Variants in WDFY4 observed in about 807,000 individuals in gnomAD.
The protein encoded by WDFY4 is WDFY family member 4, also known as WD repeat- and FYVE domain-containing protein 4.
WDFY4 carries 169 observed loss-of-function variants against 351.9 expected under a neutral mutation model. That is an observed-to-expected ratio of 0.48 (90% CI 0.42 to 0.55). WDFY4 has a LOEUF of 0.55. Among genes scored for constraint, WDFY4 ranks in the 20% least tolerant of loss-of-function variants. The pLI is 0.00. For missense variants in WDFY4, 3,803 were observed against 3,935.6 expected, an observed-to-expected ratio of 0.97 and a Z score of 0.90; for synonymous variants, 1,622 against 1,574.6, an observed-to-expected ratio of 1.03 and a Z score of -0.71.
chr10:48,877,874 G>T (rs1258975266), intron 43 of WDFY4: 1 of 152,342 alleles, frequency 6.6e-6, no homozygotes, highest in African/African-American at 2.4e-5. Flanking sequence ...CCCAGAGAAG[G>T]ACCCCTCTTC....
chr10:48,926,946 T>G (rs948689371), intron 47 of WDFY4, among the ~76,000 whole-genome samples: 2 of 152,164 alleles, frequency 1.3e-5, no homozygotes, highest in Non-Finnish European at 2.9e-5. Flanking sequence ...ACATGGAGTG[T>G]GAGTCAAGAG....
At chr10:48,762,087 T>TTTGCTTTG (rs1415963793) in intron 13 of WDFY4, among the ~76,000 whole-genome samples, 1 of 152,206 alleles carries the variant, frequency 6.6e-6, no homozygotes, top group Non-Finnish European at 1.5e-5. Context: ...GGAGTCCAGC[T>TTTGCTTTG]TTGCTTTGTC....
chr10:48,981,327 G>C, intron 60 of WDFY4, 40 bp from the exon 61 acceptor site: 2 of 1,538,834 alleles, frequency 1.3e-6, no homozygotes, highest in Non-Finnish European at 1.8e-6. Context: ...GTGCGAAGCC[G>C]ATCTGGCGTT....
chr10:48,707,650 GAA>G (rs2132190677), intron 1 of WDFY4, among the ~76,000 whole-genome samples: 1 of 152,324 alleles, frequency 6.6e-6, no homozygotes, highest in South Asian at 2.1e-4. Context: ...AATGCTGGGT[GAA>G]AGAGTAAGAG....
chr10:48,815,704 C>T (rs1240353906), intron 31 of WDFY4, among the ~76,000 whole-genome samples: 1 of 151,942 alleles, frequency 6.6e-6, no homozygotes, highest in African/African-American at 2.4e-5. Flanking sequence ...TATTAGATAC[C>T]CTTTTAGCAC....
At chr10:48,946,270 A>G in intron 50 of WDFY4, 113 bp downstream of exon 50, 1 of 833,294 alleles carries the variant, frequency 1.2e-6, no homozygotes, top group Non-Finnish European at 1.9e-6. Flanking sequence ...GCATTTGAAT[A>G]GAGGACTCTA....
intron 29 of WDFY4, among the ~76,000 whole-genome samples, 188 bp from the exon 30 acceptor site, chr10:48,811,351 A>G (rs777831200): frequency 6.6e-6 from 1 of 152,332 alleles, no homozygotes; most frequent in Non-Finnish European, 1.5e-5. Flanking sequence ...ATGAATGAGC[A>G]TGTCAGGAAC....
Position 48,820,318 on chromosome 10 carries a change from C to T in WDFY4, c.5590C>T (p.Pro1864Ser), listed in dbSNP as rs1434904547. 6.4e-6 allele frequency: 10 copies of T among 1,551,400 alleles called. No homozygotes were observed. In the South Asian group the frequency reaches 1.2e-4, roughly 18 times the overall value. The change falls in exon 33 of 62, where the codon CCC (proline) becomes TCC (serine). Residue 1864 changes from proline (P) to serine (S), a missense_variant. Around this residue, in one of 3 missense-constraint regions of WDFY4, gnomAD observed 3,054 missense variants for 3,148.6 expected, o/e 0.97. Coordinates refer to ENST00000325239, the MANE Select transcript of WDFY4 (RefSeq NM_001394531.1). ...CAGCACAGTGGAGGGTCTCCAGGCT[C>T]CCACCAAGGCACATCCCGCCCGGAG... ...GDSTVEGLQA[P>S]TKAHPARRKL...
chr10:48,948,847 C>T (rs1841182976), intron 51 of WDFY4, among the ~76,000 whole-genome samples: 1 of 152,218 alleles, frequency 6.6e-6, no homozygotes, highest in African/African-American at 2.4e-5. Context: ...GGCTGGTCTC[C>T]TCTGGTTTAA....
At chr10:48,814,599 C>T (rs1228118026) in intron 31 of WDFY4, among the ~76,000 whole-genome samples, 1 of 152,156 alleles carries the variant, frequency 6.6e-6, no homozygotes, top group Non-Finnish European at 1.5e-5. Context: ...GACTTGTGAA[C>T]AGGAATAATT....
At chr10:48,871,725 C>T (rs371347906) in intron 40 of WDFY4, among the ~76,000 whole-genome samples, 19 of 152,214 alleles carry the variant, frequency 1.2e-4, no homozygotes, top group African/African-American at 3.6e-4. Flanking sequence ...AATTCTCCCA[C>T]CTTGGCCTCT....
intron 54 of WDFY4, 54 bp from the exon 55 acceptor site, chr10:48,966,472 A>G: frequency 6.6e-7 from 1 of 1,519,684 alleles, no homozygotes; most frequent in Non-Finnish European, 8.9e-7. Flanking sequence ...CACAGGGACG[A>G]CCCCTCCTCT....
chr10:48,837,895 G>C (rs2068458217), intron 39 of WDFY4, among the ~76,000 whole-genome samples: 1 of 152,226 alleles, frequency 6.6e-6, no homozygotes, highest in African/African-American at 2.4e-5. Flanking sequence ...GGCCCCATCA[G>C]AGGAGGGGGA....
chr10:48,723,583 G>A lies in WDFY4; in HGVS notation c.591+16G>A, dbSNP rs1211376410. ...GTTCGTGCAGGTGAGTTCAAGGAGG[G>A]CCTCCAATTCCCTGGGTCAAAACCT... On this transcript the variant is annotated intron_variant, in intron 5 of 61. Coordinates refer to ENST00000325239, the MANE Select transcript of WDFY4 (RefSeq NM_001394531.1). 2 of 1,551,474 alleles carry A rather than the reference G, an allele frequency of 1.3e-6. No homozygotes were observed. Among genetic ancestry groups the A allele is most frequent in the East Asian group, 4.9e-5 (2 of 40,906 alleles).
intron 3 of WDFY4, among the ~76,000 whole-genome samples, chr10:48,720,462 T>G (rs1037016132): frequency 6.6e-6 from 1 of 150,802 alleles, no homozygotes; most frequent in African/African-American, 2.4e-5. Flanking sequence ...CAGATACACA[T>G]AGACACACAG....
intron 43 of WDFY4, among the ~76,000 whole-genome samples, chr10:48,880,540 A>G (rs995780849): frequency 6.6e-6 from 1 of 152,202 alleles, no homozygotes; most frequent in Non-Finnish European, 1.5e-5. Flanking sequence ...GGGGATCCGC[A>G]GGATGTGCAG....
At position 48,781,254 on chromosome 10, in the gene WDFY4, ATG is replaced by A. The variant is rs1383842334; in HGVS notation, c.3576+1147_3576+1148del. Among the ~76,000 whole-genome samples the A allele has an allele frequency of 3.5e-4, 51 of 146,726 alleles. 1 individual carries two copies. Among genetic ancestry groups the A allele is most frequent in the African/African-American group, 1.2e-3 (46 of 38,600 alleles). ...TGTGTGTGTGTGTGTGTATATATATATGTGTGTGTGTGTATATATATATATGT... is the reference window on the plus strand; with the variant it reads ...TGTGTGTGTGTGTGTGTATATATATATGTGTGTGTGTATATATATATATGT... On this transcript the variant is annotated intron_variant, in intron 19 of 61. Transcript: ENST00000325239.
chr10:48,910,663 C>T (rs1837915830), intron 47 of WDFY4, among the ~76,000 whole-genome samples: 1 of 152,164 alleles, frequency 6.6e-6, no homozygotes, highest in Non-Finnish European at 1.5e-5. Flanking sequence ...AGCCCACTGC[C>T]TGTGTATGTC....
At position 48,979,486 on chromosome 10, in the gene WDFY4, C is replaced by T. The variant is rs115389261; in HGVS notation, c.9376+1093C>T. Among the ~76,000 whole-genome samples the T allele has an allele frequency of 5.0e-3, 754 of 152,184 alleles. 7 individuals carry two copies. The highest frequency in any genetic ancestry group is 0.017 in the African/African-American group (703 of 41,496). Reference sequence around the variant, plus strand: ...AAGCTATTGGGGCCCAGTAAGCTAACGGCATTAGCTAAGCCTACGGTTGAT... The same window carrying T: ...AAGCTATTGGGGCCCAGTAAGCTAATGGCATTAGCTAAGCCTACGGTTGAT... On this transcript the variant is annotated intron_variant, in intron 60 of 61. Coordinates refer to ENST00000325239, the MANE Select transcript of WDFY4 (RefSeq NM_001394531.1).
Sources: allele counts gnomAD v4.1 joint callset (sites outside exome capture counted in the v4.1 genomes callset), GRCh38; gene constraint gnomAD v4.1.1; regional missense constraint gnomAD v4.1.1; transcripts MANE v1.5; gene names NCBI Gene and HGNC (gene_info 2026-07-23, HGNC 2026-07-21).